The following GABRA5 variants were observed in gnomAD, a reference collection of about 807,000 sequenced individuals.
The protein encoded by GABRA5 is gamma-aminobutyric acid type A receptor subunit alpha5.
Under a neutral mutation model 47.3 loss-of-function variants are expected in GABRA5, and 18 were observed. That is an observed-to-expected ratio of 0.38 (90% CI 0.26 to 0.56). The LOEUF (loss-of-function observed/expected upper bound fraction) is 0.56, where lower values mean the gene tolerates loss of function less well. Among genes scored for constraint, GABRA5 ranks in the 20% least tolerant of loss-of-function variants. The pLI, the probability that GABRA5 is intolerant of heterozygous loss-of-function variation, is 0.71. For missense variants in GABRA5, 365 were observed against 599.3 expected (o/e 0.61, Z 4.08); for synonymous variants, 237 against 229.3 (o/e 1.03, Z -0.30).
intron 6 of GABRA5, among the ~76,000 whole-genome samples, chr15:26,911,907 C>T (rs1448718047): frequency 6.6e-6 from 1 of 152,162 alleles, no homozygotes; most frequent in Non-Finnish European, 1.5e-5. Context: ...ATCTCCATAT[C>T]CACCCTGACG....
In GABRA5 at chr15:26,871,536, A is replaced by C. The variant is rs115227907; in HGVS notation, c.86+2202A>C. On this transcript the variant is annotated intron_variant, in intron 3 of 10. Transcript: ENST00000335625. ...GGCCAGTAATCCATCATAAAACAGC[A>C]CCGACTAATTGCAGCAAATATGTGC... 3.6e-3 allele frequency among the ~76,000 whole-genome samples: 548 copies of C among 152,312 alleles called. 4 individuals carry two copies. Among genetic ancestry groups the C allele is most frequent in the African/African-American group, 0.013 (532 of 41,566 alleles).
At chr15:26,893,227 TG>T (rs1397261383) in intron 6 of GABRA5, among the ~76,000 whole-genome samples, 2 of 141,810 alleles carry the variant, frequency 1.4e-5, no homozygotes, top group Admixed American at 7.0e-5. Flanking sequence ...TGTGAGCGTA[TG>T]GTGTGTGGCG....
intron 3 of GABRA5, among the ~76,000 whole-genome samples, chr15:26,871,901 A>T (rs1892482349): frequency 6.6e-6 from 1 of 152,114 alleles, no homozygotes; most frequent in African/African-American, 2.4e-5. Context: ...GGTATTTGAG[A>T]TTATTTATAT....
At chr15:26,900,028 G>C (rs1893289344) in intron 6 of GABRA5, among the ~76,000 whole-genome samples, 1 of 151,716 alleles carries the variant, frequency 6.6e-6, no homozygotes, top group African/African-American at 2.4e-5. Context: ...TAATTTTCAT[G>C]TAATTTCTTT....
chr15:26,945,117 G>A (rs543463580), intron 10 of GABRA5, among the ~76,000 whole-genome samples: 19 of 152,216 alleles, frequency 1.2e-4, no homozygotes, highest in African/African-American at 3.6e-4. Context: ...AATAAGCCGC[G>A]TGCCTCAAGC....
intron 6 of GABRA5, among the ~76,000 whole-genome samples, chr15:26,906,144 T>C (rs1893438808): frequency 6.6e-6 from 1 of 152,188 alleles, no homozygotes; most frequent in South Asian, 2.1e-4. Flanking sequence ...TGTTTGTTTA[T>C]GCCTGTTGTG....
chr15:26,883,655 C>CCTATGGTCAGAA lies in GABRA5; in HGVS notation c.497+99_497+100insTATGGTCAGAAC. On this transcript the variant is annotated intron_variant, in intron 6 of 10. Coordinates refer to ENST00000335625, the MANE Select transcript of GABRA5 (RefSeq NM_000810.4). The surrounding 1 kb of genome is among the most constrained non-coding windows in gnomAD (Gnocchi z 4.8). The stretch of plus-strand genomic sequence containing the variant: ...GAGCTGCGCCGCGGAGCTGTTCTGA[C>CCTATGGTCAGAA]CATAGGTCTGAGACTGCGGCGCGTG... 1 of 998,056 alleles carries CCTATGGTCAGAA rather than the reference C, an allele frequency of 1.0e-6. No individual in the cohort carries two copies. Among genetic ancestry groups the CCTATGGTCAGAA allele is most frequent in the Non-Finnish European group, 1.4e-6 (1 of 705,762 alleles). 61.8% of individuals were successfully genotyped at this position (998,056 alleles called of 1,614,324 possible). A position where few individuals can be genotyped will look rare whatever the true frequency, so the allele number is the denominator to read the frequency against.
intron 3 of GABRA5, among the ~76,000 whole-genome samples, chr15:26,876,462 A>G (rs1001444769): frequency 6.6e-6 from 1 of 152,158 alleles, no homozygotes; most frequent in African/African-American, 2.4e-5. Flanking sequence ...AGTAAAGGGA[A>G]AGACAGACAG....
chr15:26,916,806 A>G (rs1275406799), intron 7 of GABRA5, among the ~76,000 whole-genome samples: 1 of 151,946 alleles, frequency 6.6e-6, no homozygotes, highest in Non-Finnish European at 1.5e-5. Context: ...AAGTTTATTA[A>G]TAAGTATTTT....
rs1894337518 is a variant in GABRA5, at chr15:26,939,619, C to T, written c.725-306C>T. ...CTGAAATCCTAATTGCAGAAGCAGG[C>T]GAGGGAGTGGGGGGAGAGAGGCACA... On this transcript the variant is annotated intron_variant, in intron 8 of 10. Transcript: ENST00000335625. 15 of 599,880 alleles carry T rather than the reference C, an allele frequency of 2.5e-5. No individual in the cohort carries two copies. The South Asian group carries it at 2.8e-4, about 11-fold the overall frequency. 37.2% of individuals were successfully genotyped at this position (599,880 alleles called of 1,614,324 possible).
intron 8 of GABRA5, among the ~76,000 whole-genome samples, chr15:26,938,601 A>G (rs1206333587): frequency 6.6e-6 from 1 of 152,210 alleles, no homozygotes; most frequent in East Asian, 1.9e-4. Flanking sequence ...CACTTCTTCA[A>G]GTGCTAAGGA....
chr15:26,883,335 A>AG lies in GABRA5; in HGVS notation c.277dup. 2 of 1,613,832 alleles carry AG rather than the reference A, an allele frequency of 1.2e-6. No individual in the cohort carries two copies. The highest frequency in any genetic ancestry group is 1.7e-6 in the Non-Finnish European group (2 of 1,179,772). The stretch of plus-strand genomic sequence containing the variant: ...ACTGCCTCGTGCCTTCCTTTCCACT[A>AG]GGAGTACACCATAGACGTGTTTTTC... On this transcript the variant is annotated splice_acceptor_variant, in intron 5 of 10. Transcript: ENST00000335625. LOFTEE classifies it high-confidence loss of function. This position sits in a 1 kb window ranked among gnomAD's most constrained non-coding sequence, Gnocchi z 4.8.
chr15:26,869,600 C>T (rs1892412820), intron 3 of GABRA5, among the ~76,000 whole-genome samples: 1 of 152,190 alleles, frequency 6.6e-6, no homozygotes, highest in Admixed American at 6.5e-5. Flanking sequence ...AAGATGATAT[C>T]CGAGTCAGCT....
chr15:26,901,362 G>A (rs765228199), intron 6 of GABRA5, among the ~76,000 whole-genome samples: 1 of 152,174 alleles, frequency 6.6e-6, no homozygotes, highest in Non-Finnish European at 1.5e-5. Context: ...TTTAGGAGAT[G>A]TGTAGTGATA....
intron 6 of GABRA5, among the ~76,000 whole-genome samples, chr15:26,893,530 G>C (rs1236250857): frequency 6.8e-6 from 1 of 147,380 alleles, no homozygotes; most frequent in African/African-American, 2.5e-5. Context: ...GATCTGATGG[G>C]AGCAGCGGTG....
chr15:26,945,766 C>T (rs1439128298), intron 10 of GABRA5, among the ~76,000 whole-genome samples: 4 of 152,180 alleles, frequency 2.6e-5, no homozygotes, highest in Admixed American at 6.5e-5. Context: ...TAAATCTCCA[C>T]CACCAGCGCC....
At position 26,911,388 on chromosome 15, in the gene GABRA5, C is replaced by CACACACAAACACACACAA. The variant is rs1555391758; in HGVS notation, c.498-3408_498-3407insAACACACACAAACACACA. 2.2e-3 allele frequency among the ~76,000 whole-genome samples: 324 copies of CACACACAAACACACACAA among 146,766 alleles called. 4 individuals carry two copies. The South Asian group carries it at 0.025, about 11-fold the overall frequency. ...TGCTGCATGCACACACACACACACA[C>CACACACAAACACACACAA]ACACACACAAACACACACACTCCTG... On this transcript the variant is annotated intron_variant, in intron 6 of 10. Transcript: ENST00000335625.
intron 6 of GABRA5, among the ~76,000 whole-genome samples, chr15:26,895,821 A>AG (rs1348196575): frequency 1.2e-4 from 16 of 135,144 alleles, no homozygotes; most frequent in South Asian, 2.5e-4. Context: ...TCAAAAAAAA[A>AG]AAAAAAAGAA....
intron 8 of GABRA5, chr15:26,939,303 G>A: frequency 1.3e-6 from 1 of 765,280 alleles, no homozygotes. Context: ...CTCCCACACA[G>A]CCAGGCAAAT....
Sources: allele counts gnomAD v4.1 joint callset (sites outside exome capture counted in the v4.1 genomes callset), GRCh38; gene constraint gnomAD v4.1.1; non-coding constraint Gnocchi (gnomAD v3.1); transcripts MANE v1.5; gene names NCBI Gene and HGNC (gene_info 2026-07-23, HGNC 2026-07-21).